The following ACSL4 variants were observed in gnomAD, a reference collection of about 807,000 sequenced individuals.
ACSL4 encodes the protein long-chain-fatty-acid--CoA ligase 4.
ACSL4 carries 9 observed loss-of-function variants against 49.1 expected under a neutral mutation model. That is an observed-to-expected ratio of 0.18 (90% confidence interval 0.11 to 0.32). The LOEUF is 0.32. ACSL4 is among the 10% of genes least tolerant of loss of function. The pLI is 1.00. For missense variants in ACSL4, 333 were observed against 493.7 expected (o/e 0.67, Z 3.08); for synonymous variants, 191 against 170.3 (o/e 1.12, Z -0.95).
At chrX:109,687,847 A>T in intron 2 of ACSL4, among the ~76,000 whole-genome samples, 1 of 112,005 alleles carries the variant, frequency 8.9e-6, no homozygotes, top group Middle Eastern at 4.6e-3. Flanking sequence ...TCCATAGGCA[A>T]TCATACTCAG....
At chrX:109,725,488 T>C (rs994602136) in intron 1 of ACSL4, among the ~76,000 whole-genome samples, 1 of 111,322 alleles carries the variant, frequency 9.0e-6, no homozygotes, top group African/African-American at 3.3e-5. Context: ...AGATGGCTGG[T>C]GCGGTGGCTC....
intron 1 of ACSL4, among the ~76,000 whole-genome samples, chrX:109,724,211 A>G (rs189325307): frequency 5.7e-4 from 64 of 111,953 alleles, no homozygotes; most frequent in African/African-American, 2.0e-3. Context: ...TGGTATATAT[A>G]TACTCATTCA....
At chrX:109,694,894 A>T (rs1925308118) in intron 2 of ACSL4, among the ~76,000 whole-genome samples, 1 of 112,047 alleles carries the variant, frequency 8.9e-6, no homozygotes, top group Admixed American at 9.4e-5. Context: ...TGTAGTCTAG[A>T]ATAGATGCCT....
intron 2 of ACSL4, among the ~76,000 whole-genome samples, chrX:109,687,330 A>AT (rs1424840974): frequency 8.9e-6 from 1 of 112,609 alleles, no homozygotes; most frequent in Non-Finnish European, 1.9e-5. Flanking sequence ...ATAATGTCTC[A>AT]TAAGAGAAAC....
At chrX:109,683,553 C>T in intron 2 of ACSL4, 178 bp from the exon 3 acceptor site, 1 of 867,348 alleles carries the variant, frequency 1.2e-6, no homozygotes, top group Non-Finnish European at 1.7e-6. Flanking sequence ...CCTTATTGTG[C>T]TGAAGAAGGC....
intron 1 of ACSL4, among the ~76,000 whole-genome samples, chrX:109,718,776 A>G (rs1927325513): frequency 1.8e-5 from 2 of 110,975 alleles, no homozygotes; most frequent in African/African-American, 3.3e-5. Flanking sequence ...AAAAAGAAAG[A>G]AAAGAAATCC....
At chrX:109,652,638 A>G (rs972830964) in intron 15 of ACSL4, among the ~76,000 whole-genome samples, 6 of 111,539 alleles carry the variant, frequency 5.4e-5, no homozygotes, top group Non-Finnish European at 1.1e-4. Flanking sequence ...ACTATATTTG[A>G]AATGCTATAC....
chrX:109,643,935 C>G lies in ACSL4; in HGVS notation c.*94G>C. On this transcript the variant is annotated 3_prime_UTR_variant, in exon 16 of 16. Transcript: ENST00000672401. Reference sequence around the variant, plus strand: ...TTACTCTATCTTTAGAATGATATACCTTACATTCTAACAGTTCAACAAAGG... The same window carrying G: ...TTACTCTATCTTTAGAATGATATACGTTACATTCTAACAGTTCAACAAAGG... The G allele has an allele frequency of 1.0e-5, 10 of 970,657 alleles. No homozygotes were observed. Among genetic ancestry groups the G allele is most frequent in the Non-Finnish European group, 1.5e-5 (10 of 679,246 alleles). The allele number at this position is 970,657 out of a possible 1,213,427, so 80.0% of individuals were successfully genotyped here. A position where few individuals can be genotyped will look rare whatever the true frequency, so the allele number is the denominator to read the frequency against.
chrX:109,666,136 T>A (rs1196203746), intron 11 of ACSL4, among the ~76,000 whole-genome samples: 1 of 112,355 alleles, frequency 8.9e-6, no homozygotes, highest in African/African-American at 3.2e-5. Context: ...ACCTTACAAA[T>A]GAACTGGGAA....
intron 1 of ACSL4, among the ~76,000 whole-genome samples, chrX:109,718,921 G>A (rs932857569): frequency 2.7e-5 from 3 of 111,456 alleles, no homozygotes; most frequent in African/African-American, 9.8e-5. Flanking sequence ...CTTTGGTAAT[G>A]TCCTAGTATG....
chrX:109,673,368 TGCA>T (rs1366617291), intron 9 of ACSL4, among the ~76,000 whole-genome samples: 1 of 111,936 alleles, frequency 8.9e-6, no homozygotes, highest in South Asian at 3.8e-4. Flanking sequence ...GGGCCCACCT[TGCA>T]GTCTTAGAAT....
At chrX:109,655,285 T>C (rs1280558089) in intron 15 of ACSL4, among the ~76,000 whole-genome samples, 1 of 111,143 alleles carries the variant, frequency 9.0e-6, no homozygotes, top group Admixed American at 9.6e-5. Context: ...TTCCTTTTAA[T>C]ATCCTCAGAG....
At chrX:109,707,443 G>A (rs1926437039) in intron 1 of ACSL4, among the ~76,000 whole-genome samples, 1 of 112,208 alleles carries the variant, frequency 8.9e-6, no homozygotes, top group Non-Finnish European at 1.9e-5. Flanking sequence ...TATACTTCCT[G>A]CACTTGTAAT....
Position 109,675,125 on chromosome X carries a change from G to A in ACSL4, c.931-652C>T, listed in dbSNP as rs150071578. Among the ~76,000 whole-genome samples, 821 of 112,421 alleles carry A rather than the reference G, an allele frequency of 7.3e-3. 6 individuals carry two copies. Among genetic ancestry groups the A allele is most frequent in the Middle Eastern group, 0.046 (10 of 218 alleles). Reference sequence around the variant, plus strand: ...CATATGTGCAAGGATGTGCACATTTGCAAGTGGAAACCTACACAGAAACCA... The same window carrying A: ...CATATGTGCAAGGATGTGCACATTTACAAGTGGAAACCTACACAGAAACCA... On this transcript the variant is annotated intron_variant, in intron 8 of 15. Transcript: ENST00000672401.
chrX:109,715,781 T>G (rs899166376), intron 1 of ACSL4, among the ~76,000 whole-genome samples: 11 of 111,516 alleles, frequency 9.9e-5, no homozygotes, highest in African/African-American at 3.6e-4. Context: ...AACAAGAATA[T>G]GATGGTACAA....
intron 1 of ACSL4, among the ~76,000 whole-genome samples, chrX:109,719,443 C>G (rs186151124): frequency 8.9e-6 from 1 of 112,056 alleles, no homozygotes; most frequent in Non-Finnish European, 1.9e-5. Context: ...ATCAACTCCC[C>G]TATTTTGTAC....
chrX:109,670,579 C>G (rs1281375671), intron 9 of ACSL4, among the ~76,000 whole-genome samples: 1 of 102,102 alleles, frequency 9.8e-6, no homozygotes, highest in African/African-American at 3.6e-5. Flanking sequence ...AGCAAGACTC[C>G]GTCTCAAAAA....
At chrX:109,675,377 A>T (rs1481582812) in intron 8 of ACSL4, among the ~76,000 whole-genome samples, 1 of 112,661 alleles carries the variant, frequency 8.9e-6, no homozygotes, top group Admixed American at 9.4e-5. Context: ...CAATATTGCT[A>T]TCATCAGTTG....
intron 15 of ACSL4, among the ~76,000 whole-genome samples, chrX:109,650,637 C>T (rs1934979257): frequency 1.8e-5 from 2 of 110,568 alleles, no homozygotes; most frequent in African/African-American, 6.6e-5. Context: ...ATGTAACTAA[C>T]CTGCACATTG....
Sources: gnomAD v4.1 joint callset for allele counts (sites outside exome capture counted in the v4.1 genomes callset) on GRCh38, gnomAD v4.1.1 for gene constraint, MANE v1.5 for transcripts, NCBI Gene and HGNC (gene_info 2026-07-23, HGNC 2026-07-21) for gene names.